The following CCDC33 variants were observed in gnomAD, a reference collection of about 807,000 sequenced individuals.
The protein encoded by CCDC33 is coiled-coil domain containing 33.
CCDC33 carries 94 observed loss-of-function variants against 91.9 expected under a neutral mutation model. That is an observed-to-expected ratio of 1.02 (90% confidence interval 0.87 to 1.21). CCDC33 has a LOEUF of 1.21. Ranked by LOEUF, CCDC33 falls within the 50% of genes most tolerant of loss-of-function variation. The probability of loss-of-function intolerance (pLI) is 0.00; values close to 1 mark genes in which losing one functional copy is unlikely to be tolerated. For synonymous variants in CCDC33, 396 were observed against 374.5 expected (o/e 1.06, Z -0.66); for missense variants, 940 against 935.5 (o/e 1.00, Z -0.06).
chr15:74,231,014 AG>A (rs1566953250), intron 2 of CCDC33, among the ~76,000 whole-genome samples: 2 of 152,346 alleles, frequency 1.3e-5, no homozygotes, highest in East Asian at 3.9e-4. Flanking sequence ...AGAGAGGGTC[AG>A]GACTATCACA....
At chr15:74,335,361 G>T in intron 18 of CCDC33, 1 of 598,526 alleles carries the variant, frequency 1.7e-6, no homozygotes, top group South Asian at 2.0e-5. Flanking sequence ...TGTGGATGAG[G>T]GGTCCATGCA....
chr15:74,209,105 C>G lies in CCDC33; in HGVS notation n.90-283C>G, dbSNP rs1487646522. ...CCTCCTGCCCTCACAGACCTCCCGC[C>G]CTTGATTCCGGGATCAGAGGAACCC... On this transcript the variant is annotated intron_variant and non_coding_transcript_variant, in intron 1 of 3. Transcript: ENST00000558645. The G allele has an allele frequency of 2.4e-5, 31 of 1,313,260 alleles. No individual in the cohort carries two copies. In the East Asian group the frequency reaches 9.4e-4, roughly 40 times the overall value. 81.4% of individuals were successfully genotyped at this position (1,313,260 alleles called of 1,614,324 possible). A position where few individuals can be genotyped will look rare whatever the true frequency, so the allele number is the denominator to read the frequency against.
chr15:74,253,302 C>T (rs1419651488), intron 2 of CCDC33, among the ~76,000 whole-genome samples: 1 of 152,192 alleles, frequency 6.6e-6, no homozygotes, highest in Non-Finnish European at 1.5e-5. Context: ...TCCCTCCAGA[C>T]TTTATGTAGC....
intron 2 of CCDC33, among the ~76,000 whole-genome samples, chr15:74,249,218 G>C (rs1026553822): frequency 6.6e-6 from 1 of 152,070 alleles, no homozygotes; most frequent in African/African-American, 2.4e-5. Flanking sequence ...CGGGTGCAGC[G>C]GCTCACACCT....
intron 1 of CCDC33, among the ~76,000 whole-genome samples, chr15:74,238,080 A>C (rs1469434608): frequency 6.6e-6 from 1 of 152,046 alleles, no homozygotes; most frequent in Admixed American, 6.5e-5. Flanking sequence ...GTGAGCCGAG[A>C]TCACGCCACT....
rs1342717507 is a variant in CCDC33, at chr15:74,318,301, G to A, written c.1291-11888G>A. On this transcript the variant is annotated intron_variant, in intron 11 of 18. Transcript: ENST00000398814. ...CAAGGTGTAGCCAAGGGCAGGTGAG[G>A]GAGGAGGGACTCTGAGCCTGGGCCA... Among the ~76,000 whole-genome samples the A allele has an allele frequency of 3.9e-5, 6 of 152,250 alleles. No homozygotes were observed. The East Asian group carries it at 5.8e-4, about 15-fold the overall frequency.
chr15:74,250,571 C>A (rs79782206), intron 2 of CCDC33, among the ~76,000 whole-genome samples: 1 of 152,216 alleles, frequency 6.6e-6, no homozygotes, highest in Non-Finnish European at 1.5e-5. Context: ...TGTTTTCATG[C>A]GACTCTGTAC....
intron 2 of CCDC33, among the ~76,000 whole-genome samples, chr15:74,211,120 CAG>C (rs1273288620): frequency 7.5e-6 from 1 of 132,774 alleles, no homozygotes; most frequent in African/African-American, 2.6e-5. Flanking sequence ...GAAGTTTTGC[CAG>C]AGATTCCCCC....
Position 74,244,009 on chromosome 15 carries a change from C to G in CCDC33, c.46C>G (p.Leu16Val). ...KKNTEDPEEP[L>V]IASQSTEPEI... The stretch of plus-strand genomic sequence containing the variant: ...GAACACTGAAGACCCAGAGGAGCCC[C>G]TGATCGCCTCCCAGAGCACGGAACC... Residue 16 changes from leucine to valine, a missense_variant, in exon 2 of 19, where the codon CTG (leucine) becomes GTG (valine). Physicochemically the swap from Leu to Val is conservative, Grantham distance 32. Coordinates refer to ENST00000398814, the MANE Select transcript of CCDC33 (RefSeq NM_025055.5). The surrounding 1 kb of genome is among the most constrained non-coding windows in gnomAD (Gnocchi z 4.2). The G allele has an allele frequency of 1.9e-6, 3 of 1,613,550 alleles. No individual in the cohort carries two copies. In the East Asian group the frequency reaches 6.7e-5, roughly 36 times the overall value.
chr15:74,207,969 T>C, intron 1 of CCDC33: 1 of 1,429,510 alleles, frequency 7.0e-7, no homozygotes, highest in Non-Finnish European at 9.2e-7. Context: ...CTACCTCCCC[T>C]GCCATGTGGG....
chr15:74,213,619 C>T (rs947419545), upstream of CCDC33: 1 of 152,222 alleles, frequency 6.6e-6, no homozygotes, highest in African/African-American at 2.4e-5. Context: ...TTTCCCCTGG[C>T]CGCTGCAAGC....
chr15:74,253,517 G>A (rs753513653), intron 2 of CCDC33, among the ~76,000 whole-genome samples: 2 of 152,240 alleles, frequency 1.3e-5, no homozygotes, highest in East Asian at 1.9e-4. Flanking sequence ...CTGGAATCCC[G>A]TTGATCTCCT....
chr15:74,287,272 T>G (rs561139382), intron 10 of CCDC33, among the ~76,000 whole-genome samples: 1 of 152,268 alleles, frequency 6.6e-6, no homozygotes, highest in Non-Finnish European at 1.5e-5. Flanking sequence ...AGACTCCATC[T>G]GTGAAAACAC....
chr15:74,239,698 G>A (rs2075285659), intron 1 of CCDC33, among the ~76,000 whole-genome samples: 1 of 152,216 alleles, frequency 6.6e-6, no homozygotes, highest in Admixed American at 6.5e-5. Flanking sequence ...AGTGTTGGGT[G>A]GGTTAAGTGA....
intron 11 of CCDC33, among the ~76,000 whole-genome samples, chr15:74,324,089 CAAAAAAA>C (rs55758894): frequency 4.2e-4 from 30 of 72,094 alleles, no homozygotes; most frequent in African/African-American, 1.5e-3. Flanking sequence ...GACTCCATCT[CAAAAAAA>C]AAAAAAAAAA....
At chr15:74,207,926 T>C (rs1238856536) in intron 1 of CCDC33, 2 of 1,467,850 alleles carry the variant, frequency 1.4e-6, no homozygotes, top group African/African-American at 1.4e-5. Flanking sequence ...AGGAAGAGTA[T>C]GGGTGACTCT....
intron 10 of CCDC33, 89 bp downstream of exon 10, chr15:74,281,938 G>A: frequency 3.4e-6 from 4 of 1,169,846 alleles, no homozygotes; most frequent in South Asian, 1.3e-5. Flanking sequence ...TTTGTTCAGG[G>A]ACTTCTGGGA....
At chr15:74,237,365 AG>A (rs1213781950) in intron 1 of CCDC33, among the ~76,000 whole-genome samples, 13 of 152,340 alleles carry the variant, frequency 8.5e-5, no homozygotes, top group African/African-American at 3.1e-4. Context: ...GTTGAATGTA[AG>A]GGACCCCTTA....
chr15:74,280,791 TC>T lies in CCDC33; in HGVS notation c.1017del (p.Ile340SerfsTer6). 1 of 1,532,018 alleles carries T rather than the reference TC, an allele frequency of 6.5e-7. No homozygotes were observed. Among genetic ancestry groups the T allele is most frequent in the South Asian group, 1.3e-5 (1 of 78,444 alleles). The allele number at this position is 1,532,018 out of a possible 1,614,324, so 94.9% of individuals were successfully genotyped here. A position where few individuals can be genotyped will look rare whatever the true frequency, so the allele number is the denominator to read the frequency against. On this transcript the variant is annotated frameshift_variant, in exon 9 of 19. Transcript: ENST00000398814. LOFTEE classifies it high-confidence loss of function. ...KGLDGLHVER[L>X]PIMDTSLKTI... ...TTGGACGGGCTTCACGTGGAGCGGC[TC>T]CCCATCATGGTGAGCCCCCTGCCCT...
Sources: allele counts gnomAD v4.1 joint callset (sites outside exome capture counted in the v4.1 genomes callset), GRCh38; gene constraint gnomAD v4.1.1; non-coding constraint Gnocchi (gnomAD v3.1); transcripts MANE v1.5; gene names NCBI Gene and HGNC (gene_info 2026-07-23, HGNC 2026-07-21).